The following TMEM108 variants were observed in gnomAD, a reference collection of about 807,000 sequenced individuals.
TMEM108 encodes the protein transmembrane protein 108.
TMEM108 carries 12 observed loss-of-function variants against 35.1 expected under a neutral mutation model. The observed-to-expected ratio is 0.34, with a 90% CI of 0.22 to 0.55. The LOEUF (loss-of-function observed/expected upper bound fraction) is 0.55, where lower values mean the gene tolerates loss of function less well. TMEM108 is among the 20% of genes least tolerant of loss of function. The probability of loss-of-function intolerance (pLI) is 0.89; values close to 1 mark genes in which losing one functional copy is unlikely to be tolerated. For missense variants in TMEM108, 680 were observed against 753.3 expected (o/e 0.90, Z 1.14); for synonymous variants, 287 against 308.6 (o/e 0.93, Z 0.73).
chr3:133,192,454 G>A (rs1476307482), intron 2 of TMEM108, among the ~76,000 whole-genome samples: 1 of 152,112 alleles, frequency 6.6e-6, no homozygotes. Context: ...AGAGTGTTTA[G>A]AGGAAGAAAA....
chr3:133,196,412 C>G (rs76210533), intron 2 of TMEM108, among the ~76,000 whole-genome samples: 2,257 of 152,248 alleles, frequency 0.015, 77 homozygotes, highest in African/African-American at 0.05. Flanking sequence ...AATTAGAAAA[C>G]AAGTACAATA....
At chr3:133,230,475 G>A in intron 3 of TMEM108, among the ~76,000 whole-genome samples, 1 of 152,174 alleles carries the variant, frequency 6.6e-6, no homozygotes, top group East Asian at 1.9e-4. Context: ...GGGACTGCCA[G>A]TTTGTTGCTT....
Position 133,395,904 on chromosome 3 carries a change from A to G in TMEM108, c.1646A>G (p.Tyr549Cys), listed in dbSNP as rs1279730391. Reference sequence around the variant, plus strand: ...CCCCGCTCCCCAGCCAATGGCGACTATAGAGACACTGGGATGGTCCTTGTT... The same window carrying G: ...CCCCGCTCCCCAGCCAATGGCGACTGTAGAGACACTGGGATGGTCCTTGTT... ...SEPRSPANGDYRDTGMVLVNP... is the reference protein window; with the variant it reads ...SEPRSPANGDCRDTGMVLVNP... The change falls in exon 6 of 6, where the codon TAT becomes TGT. Residue 549 changes from tyrosine to cysteine, a missense_variant. By Grantham distance (194) the Tyr-to-Cys change is radical. Coordinates refer to ENST00000321871, the MANE Select transcript of TMEM108 (RefSeq NM_023943.4). 5 of 1,606,682 alleles carry G rather than the reference A, an allele frequency of 3.1e-6. No individual in the cohort carries two copies. The highest frequency in any genetic ancestry group is 8.5e-7 in the Non-Finnish European group (1 of 1,176,936).
intron 2 of TMEM108, among the ~76,000 whole-genome samples, chr3:133,204,184 T>C (rs1404355112): frequency 1.3e-5 from 2 of 152,166 alleles, no homozygotes; most frequent in African/African-American, 4.8e-5. Context: ...TATTATGCTC[T>C]CTTTTCTTTT....
chr3:133,187,244 T>G (rs1027732892), intron 2 of TMEM108, among the ~76,000 whole-genome samples: 1 of 152,198 alleles, frequency 6.6e-6, no homozygotes, highest in Non-Finnish European at 1.5e-5. Flanking sequence ...AAGGAGAGAT[T>G]TTTAAAAGAT....
intron 2 of TMEM108, among the ~76,000 whole-genome samples, chr3:133,193,023 G>A (rs1031636904): frequency 7.4e-4 from 113 of 152,252 alleles, no homozygotes; most frequent in African/African-American, 2.6e-3. Context: ...ATCCATACCT[G>A]AAGTGTTTGT....
chr3:133,358,442 T>C (rs1201135759), intron 3 of TMEM108, among the ~76,000 whole-genome samples: 1 of 152,126 alleles, frequency 6.6e-6, no homozygotes, highest in East Asian at 1.9e-4. Flanking sequence ...AGTCCTGGGA[T>C]TACAGGTGTG....
chr3:133,275,753 T>C (rs888123339), intron 3 of TMEM108, among the ~76,000 whole-genome samples: 1 of 152,210 alleles, frequency 6.6e-6, no homozygotes, highest in Admixed American at 6.5e-5. Context: ...CACACTGAGA[T>C]AAAGAAAGAC....
At chr3:133,166,136 G>A (rs902712480) in intron 2 of TMEM108, among the ~76,000 whole-genome samples, 2 of 152,184 alleles carry the variant, frequency 1.3e-5, no homozygotes, top group African/African-American at 4.8e-5. Context: ...GCCAGTGTTT[G>A]TAGCTGCTAG....
At chr3:133,231,397 T>G (rs1039522227) in intron 3 of TMEM108, among the ~76,000 whole-genome samples, 11 of 152,292 alleles carry the variant, frequency 7.2e-5, no homozygotes, top group East Asian at 1.9e-4. Context: ...ACCTACTGTC[T>G]CCACTGCAGA....
chr3:133,087,950 A>G (rs1043954695), intron 2 of TMEM108, among the ~76,000 whole-genome samples: 38 of 152,224 alleles, frequency 2.5e-4, no homozygotes, highest in Non-Finnish European at 4.4e-5. Flanking sequence ...GTAACTTTAC[A>G]GAGAGATGCA....
At chr3:133,063,982 A>G (rs575989265) in intron 2 of TMEM108, among the ~76,000 whole-genome samples, 21 of 152,232 alleles carry the variant, frequency 1.4e-4, no homozygotes, top group African/African-American at 4.3e-4. Context: ...CTTGTGCCAT[A>G]TTTCTGATTA....
At chr3:133,042,001 G>A (rs1298150793) in intron 1 of TMEM108, 3 of 152,144 alleles carry the variant, frequency 2.0e-5, no homozygotes, top group African/African-American at 7.2e-5. Context: ...TTCCTAATGT[G>A]TTTTTAGATC....
chr3:133,178,042 A>C (rs1179353798), intron 2 of TMEM108, among the ~76,000 whole-genome samples: 1 of 152,218 alleles, frequency 6.6e-6, no homozygotes, highest in African/African-American at 2.4e-5. Flanking sequence ...GAGCCAAATC[A>C]TGAGTGAACT....
intron 2 of TMEM108, among the ~76,000 whole-genome samples, chr3:133,214,387 C>A (rs1298370961): frequency 1.3e-5 from 2 of 152,120 alleles, no homozygotes; most frequent in African/African-American, 2.4e-5. Context: ...CTGTCCTCCC[C>A]GCCCCCACTG....
chr3:133,103,690 C>T (rs1044492327), intron 2 of TMEM108, among the ~76,000 whole-genome samples: 1 of 152,138 alleles, frequency 6.6e-6, no homozygotes, highest in Non-Finnish European at 1.5e-5. Context: ...TGTCAGAATC[C>T]GCTTTCTGGG....
intron 3 of TMEM108, among the ~76,000 whole-genome samples, chr3:133,347,785 A>G (rs1237281123): frequency 1.3e-5 from 2 of 152,132 alleles, no homozygotes; most frequent in Non-Finnish European, 2.9e-5. Context: ...AGGAGTGACT[A>G]TGTAGAATAT....
chr3:133,047,140 G>A (rs955274962), intron 2 of TMEM108, among the ~76,000 whole-genome samples: 4 of 152,178 alleles, frequency 2.6e-5, no homozygotes, highest in South Asian at 4.1e-4. Context: ...TGCAAAGTAC[G>A]TCAGCAGAAG....
intron 2 of TMEM108, among the ~76,000 whole-genome samples, chr3:133,083,326 C>T (rs953194832): frequency 2.6e-5 from 4 of 152,164 alleles, no homozygotes; most frequent in African/African-American, 9.7e-5. Context: ...CTCACACATA[C>T]TGAGTGCTCA....
Sources: allele counts gnomAD v4.1 joint callset (sites outside exome capture counted in the v4.1 genomes callset), GRCh38; gene constraint gnomAD v4.1.1; transcripts MANE v1.5; gene names NCBI Gene and HGNC (gene_info 2026-07-23, HGNC 2026-07-21).